The following KIF13A variants were observed in gnomAD, a reference collection of about 807,000 sequenced individuals.
KIF13A encodes the protein kinesin family member 13A.
In KIF13A, 79 loss-of-function variants were observed where a neutral mutation model predicts 212.2. That is an observed-to-expected ratio of 0.37 (90% confidence interval 0.31 to 0.45). KIF13A has a LOEUF of 0.45. KIF13A is among the 20% of genes least tolerant of loss of function. The probability of loss-of-function intolerance (pLI) is 1.00; values close to 1 mark genes in which losing one functional copy is unlikely to be tolerated. For synonymous variants in KIF13A, 789 were observed against 808.6 expected (o/e 0.98, Z 0.41); for missense variants, 1,901 against 2,209.0 (o/e 0.86, Z 2.79).
intron 2 of KIF13A, among the ~76,000 whole-genome samples, chr6:17,907,356 A>C (rs1489284327): frequency 6.6e-6 from 1 of 152,142 alleles, no homozygotes. Context: ...GCATCAAAGA[A>C]TTTGGTGAGA....
Position 17,789,044 on chromosome 6 carries a change from T to C in KIF13A, c.3261+828A>G, listed in dbSNP as rs909378731. Among the ~76,000 whole-genome samples, 3 of 152,092 alleles carry C rather than the reference T, an allele frequency of 2.0e-5. No individual in the cohort carries two copies. Among genetic ancestry groups the C allele is most frequent in the Non-Finnish European group, 2.9e-5 (2 of 67,996 alleles). Reference sequence around the variant, plus strand: ...AGCCACTGTACCCACATTTTACATGTAGGAAGGCACACTGGGAAAACATCC... The same window carrying C: ...AGCCACTGTACCCACATTTTACATGCAGGAAGGCACACTGGGAAAACATCC... On this transcript the variant is annotated intron_variant, in intron 26 of 38. Transcript: ENST00000259711. This position sits in a 1 kb window ranked among gnomAD's most constrained non-coding sequence, Gnocchi z 4.8.
At chr6:17,833,623 C>CAA (rs1765655507) in intron 12 of KIF13A, among the ~76,000 whole-genome samples, 1 of 151,530 alleles carries the variant, frequency 6.6e-6, no homozygotes, top group Non-Finnish European at 1.5e-5. Context: ...TGGGAGGCTG[C>CAA]GGCTGGCAGA....
chr6:17,949,466 GTGAC>G (rs1777682815), intron 2 of KIF13A, among the ~76,000 whole-genome samples: 1 of 151,700 alleles, frequency 6.6e-6, no homozygotes, highest in Non-Finnish European at 1.5e-5. Context: ...ATAAACAACT[GTGAC>G]TGTCTGGAGA....
chr6:17,987,236 T>C lies in KIF13A; in HGVS notation c.56-92A>G, dbSNP rs994942486. The C allele has an allele frequency of 3.7e-5, 42 of 1,134,292 alleles. No homozygotes were observed. The highest frequency in any genetic ancestry group is 4.8e-5 in the Non-Finnish European group (40 of 830,918). The allele number at this position is 1,134,292 out of a possible 1,614,324, so 70.3% of individuals were successfully genotyped here. On this transcript the variant is annotated intron_variant, in intron 1 of 38. Transcript: ENST00000259711. The surrounding 1 kb of genome is among the most constrained non-coding windows in gnomAD (Gnocchi z 7.7). ...GCCGCGCCGAGCGGGGCTCCGTCCC[T>C]GGAGGCGGCCGAGCCTGGAGACGGC...
chr6:17,987,586 G>C lies in KIF13A; in HGVS notation c.-123C>G. 1 of 391,772 alleles carries C rather than the reference G, an allele frequency of 2.6e-6. No homozygotes were observed. Among genetic ancestry groups the C allele is most frequent in the Non-Finnish European group, 3.4e-6 (1 of 289,964 alleles). 24.3% of individuals were successfully genotyped at this position (391,772 alleles called of 1,614,324 possible). ...CGCGGCCGCCGCCGCTCCGCCGTGA[G>C]CTCCGAGAGGCAGCGCCGAGGCGCG... On this transcript the variant is annotated 5_prime_UTR_variant, in exon 1 of 39. Coordinates refer to ENST00000259711, the MANE Select transcript of KIF13A (RefSeq NM_022113.6). The surrounding 1 kb of genome is among the most constrained non-coding windows in gnomAD (Gnocchi z 7.7).
chr6:17,978,031 C>T (rs1213381391), intron 2 of KIF13A, among the ~76,000 whole-genome samples: 3 of 152,208 alleles, frequency 2.0e-5, no homozygotes, highest in African/African-American at 7.2e-5. Context: ...AATAGTCCTA[C>T]TTGATCAATG....
In KIF13A at chr6:17,789,274, A is replaced by G. The variant is rs909303772; in HGVS notation, c.3261+598T>C. Among the ~76,000 whole-genome samples, 2 of 152,228 alleles carry G rather than the reference A, an allele frequency of 1.3e-5. No homozygotes were observed. Among genetic ancestry groups the G allele is most frequent in the African/African-American group, 4.8e-5 (2 of 41,456 alleles). ...CAGAAAAAGCTGAGATTTAAATTCT[A>G]TAGGTTATGGAGAACTAAGTGTGAC... is the stretch of plus-strand genomic sequence containing the variant. On this transcript the variant is annotated intron_variant, in intron 26 of 38. Coordinates refer to ENST00000259711, the MANE Select transcript of KIF13A (RefSeq NM_022113.6). The surrounding 1 kb of genome is among the most constrained non-coding windows in gnomAD (Gnocchi z 4.8).
intron 2 of KIF13A, among the ~76,000 whole-genome samples, chr6:17,978,910 CA>C (rs1301758334): frequency 2.0e-5 from 3 of 152,124 alleles, no homozygotes; most frequent in Non-Finnish European, 4.4e-5. Flanking sequence ...ATATGTGATA[CA>C]AAAGATATAA....
chr6:17,852,697 T>A (rs1041711432), intron 6 of KIF13A, among the ~76,000 whole-genome samples: 2 of 152,166 alleles, frequency 1.3e-5, no homozygotes, highest in African/African-American at 4.8e-5. Context: ...GGATTGCAGA[T>A]GTGAGCCACC....
In KIF13A at chr6:17,984,092, C is replaced by T. The variant is rs1412402188; in HGVS notation, c.146+2962G>A. Among the ~76,000 whole-genome samples, 2 of 152,134 alleles carry T rather than the reference C, an allele frequency of 1.3e-5. No homozygotes were observed. The highest frequency in any genetic ancestry group is 2.9e-5 in the Non-Finnish European group (2 of 68,022). On this transcript the variant is annotated intron_variant, in intron 2 of 38. Coordinates refer to ENST00000259711, the MANE Select transcript of KIF13A (RefSeq NM_022113.6). The surrounding 1 kb of genome is among the most constrained non-coding windows in gnomAD (Gnocchi z 5.0). ...GTACAAAGAGAAGTAGGATAAGGTA[C>T]CTACCTGCCTTCAAGCAGTTCACAG...
rs1781664238 is a variant in KIF13A, at chr6:17,987,314, C to T, written c.55+95G>A. On this transcript the variant is annotated intron_variant, in intron 1 of 38. Transcript: ENST00000259711. The surrounding 1 kb of genome is among the most constrained non-coding windows in gnomAD (Gnocchi z 7.7). ...GCCGCCTCCGCCCCGGCCCCCCGGC[C>T]CCGGCCGCGCTCTCGCCGTCCCGGC... The T allele has an allele frequency of 9.9e-7, 1 of 1,006,652 alleles. No individual in the cohort carries two copies. Among genetic ancestry groups the T allele is most frequent in the South Asian group, 2.2e-5 (1 of 44,584 alleles). The allele number at this position is 1,006,652 out of a possible 1,614,324, so 62.4% of individuals were successfully genotyped here.
Position 17,804,483 on chromosome 6 carries a change from C to T in KIF13A, c.2332G>A (p.Asp778Asn), listed in dbSNP as rs1323522887. The T allele has an allele frequency of 2.5e-6, 4 of 1,598,646 alleles. No homozygotes were observed. In the South Asian group the frequency reaches 4.5e-5, roughly 18 times the overall value. Residue 778 changes from aspartate to asparagine, a missense_variant, in exon 20 of 39, where the codon GAC (aspartate) becomes AAC (asparagine). By Grantham distance (23) the Asp-to-Asn change is conservative. This residue lies in a region of KIF13A where 534 missense variants were observed against 536.9 expected (regional missense o/e 0.99). Transcript: ENST00000259711. ...EAKRLYGKRG[D>N]PFYEAQENHN... is the part of the protein sequence containing the mutation. ...TTTTCTTGGGCTTCATAGAAAGGGTCACCTCGTTTTCCGTAGAGTCTCTTT... is the reference window on the plus strand; with the variant it reads ...TTTTCTTGGGCTTCATAGAAAGGGTTACCTCGTTTTCCGTAGAGTCTCTTT...
Position 17,826,006 on chromosome 6 carries a change from CG to C in KIF13A, c.1619+31del, listed in dbSNP as rs1562022915. On this transcript the variant is annotated intron_variant, in intron 15 of 38. Transcript: ENST00000259711. This position sits in a 1 kb window ranked among gnomAD's most constrained non-coding sequence, Gnocchi z 4.7. ...AAATAGATAACAGAAAAAATGTATA[CG>C]AAAATATATTACAGAACACAAAGAT... is the stretch of plus-strand genomic sequence containing the variant. 1 of 1,610,238 alleles carries C rather than the reference CG, an allele frequency of 6.2e-7. No individual in the cohort carries two copies. The highest frequency in any genetic ancestry group is 2.2e-5 in the East Asian group (1 of 44,856).
downstream of KIF13A, chr6:17,760,839 G>C (rs186263133): frequency 3.7e-6 from 6 of 1,613,526 alleles, no homozygotes; most frequent in Non-Finnish European, 5.1e-6. Context: ...GTGGCCTGAG[G>C]AGGGGTGCTT....
chr6:17,789,003 G>T lies in KIF13A; in HGVS notation c.3261+869C>A, dbSNP rs967748095. Among the ~76,000 whole-genome samples, 2 of 152,172 alleles carry T rather than the reference G, an allele frequency of 1.3e-5. No individual in the cohort carries two copies. Among genetic ancestry groups the T allele is most frequent in the African/African-American group, 4.8e-5 (2 of 41,430 alleles). Reference sequence around the variant, plus strand: ...CTCCCAAAGTGCTGGGATTACAGGCGTGAGCCACCACGCCCAGCCACTGTA... The same window carrying T: ...CTCCCAAAGTGCTGGGATTACAGGCTTGAGCCACCACGCCCAGCCACTGTA... On this transcript the variant is annotated intron_variant, in intron 26 of 38. Coordinates refer to ENST00000259711, the MANE Select transcript of KIF13A (RefSeq NM_022113.6). The surrounding 1 kb of genome is among the most constrained non-coding windows in gnomAD (Gnocchi z 4.8).
In KIF13A at chr6:17,836,909, T is replaced by C. The variant is rs765089174; in HGVS notation, c.1124A>G (p.Glu375Gly). The C allele has an allele frequency of 6.2e-7, 1 of 1,613,798 alleles. No individual in the cohort carries two copies. The highest frequency in any genetic ancestry group is 1.7e-5 in the Admixed American group (1 of 59,980). The change falls in exon 11 of 39, where the codon GAG becomes GGG. Residue 375 changes from glutamate (E) to glycine (G), a missense_variant. Physicochemically the swap from Glu to Gly is moderately conservative, Grantham distance 98. Transcript: ENST00000259711. ...KVIRELREEV[E>G]KLREQLSQAE... ...CTGAGAGAGCTGCTCTCTCAGTTTC[T>C]CGACTTCCTCCCGCAGTTCTCGGAT...
intron 2 of KIF13A, among the ~76,000 whole-genome samples, chr6:17,910,965 G>A (rs1011906602): frequency 2.6e-5 from 4 of 152,104 alleles, no homozygotes; most frequent in East Asian, 1.9e-4. Flanking sequence ...GGGTTTCTCC[G>A]TGTTAGCCAG....
chr6:17,860,591 G>T (rs753916440), intron 4 of KIF13A, among the ~76,000 whole-genome samples: 1 of 151,984 alleles, frequency 6.6e-6, no homozygotes, highest in Non-Finnish European at 1.5e-5. Context: ...TGTATTCACT[G>T]AATTATTCCT....
rs566234808 is a variant in KIF13A, at chr6:17,922,484, T to A, written c.147-24304A>T. ...TCAATGTGGATGAATCTGAAAAAAA[T>A]AATGTTGAAAGAAGAAAGCAAGCCC... is the stretch of plus-strand genomic sequence containing the variant. On this transcript the variant is annotated intron_variant, in intron 2 of 38. Coordinates refer to ENST00000259711, the MANE Select transcript of KIF13A (RefSeq NM_022113.6). Among the ~76,000 whole-genome samples, 149 of 151,650 alleles carry A rather than the reference T, an allele frequency of 9.8e-4. No homozygotes were observed. The South Asian group carries it at 0.01, about 10-fold the overall frequency.
Sources: allele counts gnomAD v4.1 joint callset (sites outside exome capture counted in the v4.1 genomes callset), GRCh38; gene constraint gnomAD v4.1.1; regional missense constraint gnomAD v4.1.1; non-coding constraint Gnocchi (gnomAD v3.1); transcripts MANE v1.5; gene names NCBI Gene and HGNC (gene_info 2026-07-23, HGNC 2026-07-21).